CYRIA: variants seen among roughly 807,000 people sequenced by gnomAD.
CYRIA encodes CYFIP related Rac1 interactor A, also known as CYFIP-related Rac1 interactor A.
A neutral mutation model predicts 43.9 loss-of-function variants in CYRIA; 15 were observed. The observed-to-expected ratio is 0.34, with a 90% CI of 0.23 to 0.53. CYRIA has a LOEUF of 0.53. Ranked by LOEUF, CYRIA falls within the 20% of genes least tolerant of loss-of-function variation. The pLI is 0.94. For missense variants in CYRIA, 236 were observed against 394.2 expected (o/e 0.60, Z 3.40); for synonymous variants, 117 against 136.0 (o/e 0.86, Z 0.97).
intron 1 of CYRIA, among the ~76,000 whole-genome samples, chr2:16,660,898 G>A (rs138460817): frequency 2.4e-4 from 36 of 152,278 alleles, no homozygotes; most frequent in African/African-American, 7.5e-4. Flanking sequence ...ACCTGGATTC[G>A]TGGGGGAAAT....
rs1247343715 is a variant in CYRIA at position 16,565,697 on chromosome 2, G to T, written c.141C>A (p.Ser47Arg). The T allele has an allele frequency of 6.3e-7, 1 of 1,594,236 alleles. No individual in the cohort carries two copies. The highest frequency in any genetic ancestry group is 8.6e-7 in the Non-Finnish European group (1 of 1,164,732). The change falls in exon 4 of 12, where the codon AGC becomes AGA. Residue 47 changes from serine (S) to arginine (R), a missense_variant. By Grantham distance (110) the Ser-to-Arg change is moderately radical. Coordinates refer to ENST00000381323, the MANE Select transcript of CYRIA (RefSeq NM_030797.4). ...QISAVLQDSE[S>R]ILADLQAYKG... The stretch of plus-strand genomic sequence containing the variant: ...TGTAAGCCTGCAGGTCTGCAAGGAT[G>T]CTCTCAGAATCCTGAAGGACGGCGC...
In CYRIA at chr2:16,549,878, G is replaced by A. The variant is rs1666232450; in HGVS notation, c.*3058C>T. ...CTTAATTTAATGGTGATAACTAGGA[G>A]CAAATGTTGATCAAGCATGATGTTA... On this transcript the variant is annotated 3_prime_UTR_variant, in exon 12 of 12. Coordinates refer to ENST00000381323, the MANE Select transcript of CYRIA (RefSeq NM_030797.4). The A allele has an allele frequency of 6.6e-6, 1 of 152,006 alleles. No individual in the cohort carries two copies. Among genetic ancestry groups the A allele is most frequent in the African/African-American group, 2.4e-5 (1 of 41,402 alleles). 9.4% of individuals were successfully genotyped at this position (152,006 alleles called of 1,614,324 possible).
chr2:16,581,542 CT>C (rs372906815), intron 3 of CYRIA, among the ~76,000 whole-genome samples: 47 of 146,296 alleles, frequency 3.2e-4, no homozygotes, highest in Middle Eastern at 3.6e-3. Flanking sequence ...TTCACAGTTT[CT>C]TTTTTTTTTG....
At chr2:16,657,091 T>C (rs187773463) in intron 1 of CYRIA, among the ~76,000 whole-genome samples, 54 of 152,302 alleles carry the variant, frequency 3.5e-4, no homozygotes, top group Admixed American at 2.8e-3. Flanking sequence ...CTAGCCTCCA[T>C]GTCTTAATTC....
In CYRIA at chr2:16,579,103, A is replaced by G. The variant is rs77411363; in HGVS notation, c.70+8947T>C. On this transcript the variant is annotated intron_variant, in intron 3 of 11. Coordinates refer to ENST00000381323, the MANE Select transcript of CYRIA (RefSeq NM_030797.4). ...ATGAAAGCCAGAAGACAATGGGATC[A>G]CTTCTTTCAAGTGCTTTAAGAAAAA... Among the ~76,000 whole-genome samples the G allele has an allele frequency of 7.4e-4, 113 of 152,312 alleles. No homozygotes were observed. The East Asian group carries it at 0.013, about 17-fold the overall frequency.
At chr2:16,599,957 T>C (rs1168413000) in intron 2 of CYRIA, among the ~76,000 whole-genome samples, 1 of 152,152 alleles carries the variant, frequency 6.6e-6, no homozygotes, top group Non-Finnish European at 1.5e-5. Context: ...GGTTTCACCA[T>C]GTTGGCCAGG....
At chr2:16,632,075 T>C (rs538260467) in intron 1 of CYRIA, among the ~76,000 whole-genome samples, 21 of 152,332 alleles carry the variant, frequency 1.4e-4, no homozygotes, top group African/African-American at 4.8e-4. Flanking sequence ...CTGTTGGGTG[T>C]TCCGTAGAGA....
rs1397079238 is a variant in CYRIA, at chr2:16,552,521, T to A, written c.*415A>T. 6.4e-6 allele frequency: 1 copy of A among 156,298 alleles called. No homozygotes were observed. Among genetic ancestry groups the A allele is most frequent in the African/African-American group, 2.4e-5 (1 of 41,578 alleles). The allele number at this position is 156,298 out of a possible 1,614,324, so 9.7% of individuals were successfully genotyped here. On this transcript the variant is annotated 3_prime_UTR_variant, in exon 12 of 12. Coordinates refer to ENST00000381323, the MANE Select transcript of CYRIA (RefSeq NM_030797.4). ...GGATTCCTCTCTTCCTCTGTCAAGA[T>A]AACAGTTGTGTTTCTTGTAGCTGAG...
At chr2:16,610,749 G>T (rs918509559) in intron 2 of CYRIA, among the ~76,000 whole-genome samples, 2 of 151,610 alleles carry the variant, frequency 1.3e-5, no homozygotes, top group African/African-American at 4.8e-5. Context: ...TGTAGAGTTG[G>T]CAAAACTGTA....
chr2:16,658,960 A>G (rs966067289), intron 1 of CYRIA, among the ~76,000 whole-genome samples: 1 of 152,228 alleles, frequency 6.6e-6, no homozygotes, highest in Admixed American at 6.5e-5. Context: ...GGAGCGATCC[A>G]CAGCTCAACA....
chr2:16,555,910 T>C (rs1484654088), intron 10 of CYRIA, among the ~76,000 whole-genome samples: 10 of 152,140 alleles, frequency 6.6e-5, no homozygotes, highest in South Asian at 6.2e-4. Context: ...TTCATGCTTG[T>C]TTCTTTAGTA....
chr2:16,593,381 C>A (rs1181716131), intron 2 of CYRIA, among the ~76,000 whole-genome samples: 1 of 152,004 alleles, frequency 6.6e-6, no homozygotes, highest in Non-Finnish European at 1.5e-5. Flanking sequence ...AATACATTTT[C>A]TTGTTTCATA....
intron 3 of CYRIA, among the ~76,000 whole-genome samples, chr2:16,578,126 T>G (rs763000111): frequency 5.3e-5 from 8 of 152,196 alleles, no homozygotes; most frequent in Non-Finnish European, 8.8e-5. Flanking sequence ...GACAAACTCT[T>G]CAGATCCCCA....
intron 1 of CYRIA, among the ~76,000 whole-genome samples, chr2:16,659,344 A>G (rs1306044456): frequency 2.0e-5 from 3 of 152,240 alleles, no homozygotes; most frequent in Non-Finnish European, 4.4e-5. Flanking sequence ...GACATTCTGC[A>G]AATTCCTTAA....
intron 1 of CYRIA, among the ~76,000 whole-genome samples, chr2:16,641,650 C>A (rs1318581347): frequency 6.6e-6 from 1 of 152,254 alleles, no homozygotes; most frequent in Non-Finnish European, 1.5e-5. Flanking sequence ...TTTGCATACT[C>A]ATTCCATCTA....
At chr2:16,588,703 A>ATATT (rs1232158555) in intron 2 of CYRIA, among the ~76,000 whole-genome samples, 2 of 152,122 alleles carry the variant, frequency 1.3e-5, no homozygotes, top group African/African-American at 2.4e-5. Flanking sequence ...TAGAAAACAT[A>ATATT]TATTTACACT....
At chr2:16,573,096 A>C (rs190880755) in intron 3 of CYRIA, among the ~76,000 whole-genome samples, 44 of 152,342 alleles carry the variant, frequency 2.9e-4, no homozygotes, top group Non-Finnish European at 5.4e-4. Flanking sequence ...CGAGGAATGC[A>C]AGAGATGTTC....
At chr2:16,644,685 A>G (rs1487904119) in intron 1 of CYRIA, among the ~76,000 whole-genome samples, 1 of 152,232 alleles carries the variant, frequency 6.6e-6, no homozygotes, top group Non-Finnish European at 1.5e-5. Context: ...GGGCTCTAGA[A>G]GTAACTTCCT....
intron 2 of CYRIA, among the ~76,000 whole-genome samples, chr2:16,599,713 C>T (rs1668134842): frequency 6.6e-6 from 1 of 151,906 alleles, no homozygotes; most frequent in Non-Finnish European, 1.5e-5. Context: ...ACGCTGGGAG[C>T]TGTAGACCGG....
Sources: allele counts gnomAD v4.1 joint callset (sites outside exome capture counted in the v4.1 genomes callset), GRCh38; gene constraint gnomAD v4.1.1; transcripts MANE v1.5; gene names NCBI Gene and HGNC (gene_info 2026-07-23, HGNC 2026-07-21).